CCDC82: variants seen among roughly 807,000 people sequenced by gnomAD.
CCDC82 encodes coiled-coil domain containing 82, also known as coiled-coil domain-containing protein 82.
CCDC82 carries 47 observed loss-of-function variants against 60.6 expected under a neutral mutation model. The observed-to-expected ratio is 0.77, with a 90% CI of 0.61 to 0.99. The LOEUF is 0.99. Among genes scored for constraint, CCDC82 ranks in the 50% least tolerant of loss-of-function variants. The pLI is 0.00. For synonymous variants in CCDC82, 212 were observed against 207.4 expected (o/e 1.02, Z -0.19); for missense variants, 588 against 633.0 (o/e 0.93, Z 0.76).
chr11:96,369,861 A>G (rs11021557), intron 7 of CCDC82, among the ~76,000 whole-genome samples: 32,279 of 152,184 alleles, frequency 0.21, 3,543 homozygotes, highest in East Asian at 0.31. Flanking sequence ...AGGTATGCTT[A>G]TATATGCTAT....
At chr11:96,358,121 CT>C in intron 9 of CCDC82, 2 of 985,826 alleles carry the variant, frequency 2.0e-6, no homozygotes, top group Non-Finnish European at 2.4e-6. Context: ...TTATATTCCT[CT>C]TTTACAAATT....
chr11:96,383,963 T>A lies in CCDC82; in HGVS notation c.785A>T (p.Glu262Val), dbSNP rs761370628. 8 of 1,602,228 alleles carry A rather than the reference T, an allele frequency of 5.0e-6. No individual in the cohort carries two copies. Among genetic ancestry groups the A allele is most frequent in the Non-Finnish European group, 6.8e-6 (8 of 1,175,940 alleles). The change falls in exon 4 of 10, where the codon GAG (glutamate) becomes GTG (valine). Residue 262 changes from glutamate to valine, a missense_variant and splice_region_variant. Coordinates refer to ENST00000646818, the MANE Select transcript of CCDC82 (RefSeq NM_024725.4). ...RQRRSSGRDF[E>V]DSEKESCPSS... is the part of the protein sequence containing the mutation. ...CAAATCCAACAAAATATAACACACC[T>A]CAAAATCTCTACCACTACTGCGTCT...
At chr11:96,383,601 TA>T in intron 4 of CCDC82, 128 bp from the exon 5 acceptor site, 2 of 592,816 alleles carry the variant, frequency 3.4e-6, no homozygotes, top group Admixed American at 3.3e-5. Context: ...ATTTTAAAGT[TA>T]AAAATAAATA....
chr11:96,389,722 G>C (rs867101270), intron 1 of CCDC82, 122 bp downstream of exon 1: 3 of 152,414 alleles, frequency 2.0e-5, no homozygotes, highest in Admixed American at 6.5e-5. Flanking sequence ...GCGCCCGCGG[G>C]AATTTTTCTC....
At chr11:96,375,646 G>C (rs1430795433) in intron 5 of CCDC82, among the ~76,000 whole-genome samples, 1 of 152,190 alleles carries the variant, frequency 6.6e-6, no homozygotes, top group Non-Finnish European at 1.5e-5. Flanking sequence ...GAAATATAGA[G>C]AGGATGAAAA....
At chr11:96,358,459 G>A in intron 9 of CCDC82, 1 of 1,230,456 alleles carries the variant, frequency 8.1e-7, no homozygotes, top group East Asian at 3.2e-5. Context: ...TCAGTGCTGT[G>A]GTCTGAAACC....
intron 5 of CCDC82, 199 bp downstream of exon 5, chr11:96,383,070 G>C (rs993339580): frequency 1.8e-6 from 1 of 544,310 alleles, no homozygotes; most frequent in Non-Finnish European, 3.2e-6. Flanking sequence ...AAGTAAAGGC[G>C]TGTTGGGGTT....
intron 9 of CCDC82, chr11:96,357,946 G>C (rs1403661123): frequency 7.1e-6 from 7 of 985,404 alleles, no homozygotes; most frequent in Non-Finnish European, 8.4e-6. Context: ...GTGGGGGGCA[G>C]GCAAGATCAC....
chr11:96,366,169 G>C (rs1214014094), intron 7 of CCDC82, among the ~76,000 whole-genome samples: 1 of 152,174 alleles, frequency 6.6e-6, no homozygotes, highest in East Asian at 1.9e-4. Flanking sequence ...ACCTCTATCA[G>C]CTCAGTTCCC....
rs1039925148 is a variant in CCDC82, at chr11:96,359,005, G to A, written c.1554C>T (p.Gly518=). The change falls in exon 9 of 10, where the codon GGC becomes GGT. Residue 518 remains glycine (G), a synonymous_variant. Transcript: ENST00000646818. ...ATATTCACCTTACCTCCTTAATCCA[G>A]CCATTTTCTTTTGACCGCCTGAAAA... ...ERIFRRSKEN[G]WIKEKYGQLE... 1 of 1,607,750 alleles carries A rather than the reference G, an allele frequency of 6.2e-7. No homozygotes were observed. The highest frequency in any genetic ancestry group is 8.5e-7 in the Non-Finnish European group (1 of 1,178,070).
intron 5 of CCDC82, among the ~76,000 whole-genome samples, chr11:96,375,754 C>T (rs570353440): frequency 4.9e-4 from 75 of 152,312 alleles, no homozygotes; most frequent in African/African-American, 1.7e-3. Flanking sequence ...TATTGTTACA[C>T]ATGGTAGATT....
intron 9 of CCDC82, chr11:96,357,037 T>A: frequency 1.0e-6 from 1 of 985,228 alleles, no homozygotes; most frequent in South Asian, 4.7e-5. Context: ...TTCTAAAGGG[T>A]TAGAGTAACT....
At chr11:96,358,290 C>T (rs1292865734) in intron 9 of CCDC82, 1 of 1,145,028 alleles carries the variant, frequency 8.7e-7, no homozygotes, top group East Asian at 4.3e-5. Context: ...GTCGTATTAG[C>T]ATTCTTTCCA....
intron 6 of CCDC82, among the ~76,000 whole-genome samples, chr11:96,372,572 TTA>T (rs1198257324): frequency 6.7e-6 from 1 of 149,272 alleles, no homozygotes; most frequent in Non-Finnish European, 1.5e-5. Context: ...CACAATATAT[TTA>T]TAGTCTATTA....
intron 8 of CCDC82, among the ~76,000 whole-genome samples, chr11:96,360,417 G>C (rs193197232): frequency 1.3e-5 from 2 of 150,740 alleles, no homozygotes; most frequent in Non-Finnish European, 3.0e-5. Context: ...CCATGGTCTC[G>C]AACTCCTGAC....
intron 2 of CCDC82, chr11:96,386,504 G>A (rs1209384768): frequency 6.6e-6 from 1 of 152,102 alleles, no homozygotes; most frequent in Non-Finnish European, 1.5e-5. Flanking sequence ...GTCCAGGCTG[G>A]AGTGCAGTGG....
At chr11:96,359,541 A>G (rs1208576296) in intron 8 of CCDC82, among the ~76,000 whole-genome samples, 1 of 151,854 alleles carries the variant, frequency 6.6e-6, no homozygotes. Context: ...AAAGTCCCCA[A>G]GCAAATCAAG....
At position 96,365,092 on chromosome 11, in the gene CCDC82, G is replaced by C. The variant is rs1463409202; in HGVS notation, c.1268C>G (p.Ser423Cys). Residue 423 changes from serine to cysteine, a missense_variant, in exon 8 of 10, where the codon TCC becomes TGC. Transcript: ENST00000646818. ...GCGATGCAGTCCACAAGCCTGGCAG[G>C]AACAGTTTTCAGGATTCTTCAAATG... ...SIHLKNPENC[S>C]CQACGLHRYC... The C allele has an allele frequency of 1.2e-6, 2 of 1,605,554 alleles. No individual in the cohort carries two copies. The highest frequency in any genetic ancestry group is 1.7e-6 in the Non-Finnish European group (2 of 1,175,620).
Position 96,384,724 on chromosome 11 carries a change from T to C in CCDC82, c.24A>G (p.Glu8=). The change falls in exon 4 of 10, where the codon GAA becomes GAG. Residue 8 remains glutamate (E), a synonymous_variant. Coordinates refer to ENST00000646818, the MANE Select transcript of CCDC82 (RefSeq NM_024725.4). MIHVRRH[E]TRRNSKSHVP... is the part of the protein sequence containing the mutation. ...CGTGACTCTTAGAATTTCTCCTTGT[T>C]TCATGTCTTCTAACATGTATCATTT... 6.2e-7 allele frequency: 1 copy of C among 1,607,306 alleles called. No individual in the cohort carries two copies. Among genetic ancestry groups the C allele is most frequent in the Non-Finnish European group, 8.5e-7 (1 of 1,177,672 alleles).
Sources: allele counts gnomAD v4.1 joint callset (sites outside exome capture counted in the v4.1 genomes callset), GRCh38; gene constraint gnomAD v4.1.1; transcripts MANE v1.5; gene names NCBI Gene and HGNC (gene_info 2026-07-23, HGNC 2026-07-21).